CFAP184: variants seen among roughly 807,000 people sequenced by gnomAD.
The protein encoded by CFAP184 is cilia and flagella associated protein 184, also known as cilia- and flagella-associated protein 184.
At chr4:7,042,754 G>A in the CFAP184 span, 14 of 1,530,016 alleles carry the variant, frequency 9.2e-6, no homozygotes, top group South Asian at 1.7e-4. Flanking sequence ...CTCGTCCGCG[G>A]CGGTGCCTCC....
chr4:7,041,272 CAAG>C, the CFAP184 span: 1 of 1,586,664 alleles, frequency 6.3e-7, no homozygotes, highest in Non-Finnish European at 8.6e-7. Context: ...TCGATCTGGT[CAAG>C]AAGGGAGAAA....
At chr4:7,041,295 C>T in the CFAP184 span, 3 of 1,602,722 alleles carry the variant, frequency 1.9e-6, no homozygotes, top group Non-Finnish European at 2.6e-6. Flanking sequence ...AGGCTTTGGC[C>T]TCCCTGATCT....
the CFAP184 span, chr4:7,042,824 C>A: frequency 3.2e-6 from 5 of 1,569,166 alleles, no homozygotes; most frequent in Non-Finnish European, 4.3e-6. Flanking sequence ...TCCCCGGGTT[C>A]GGGAGAGGTC....
chr4:7,042,894 G>A, the CFAP184 span: 1 of 1,551,452 alleles, frequency 6.4e-7, no homozygotes, highest in South Asian at 1.2e-5. Context: ...CCCCGTCTCC[G>A]CCTTCCCCGC....
At chr4:7,042,551 C>G in the CFAP184 span, 1 of 1,575,214 alleles carries the variant, frequency 6.3e-7, no homozygotes, top group South Asian at 1.1e-5. Context: ...GCCGCCTGCT[C>G]CAGTTCCTCC....
At chr4:7,042,452 C>T in the CFAP184 span, 2 of 1,611,404 alleles carry the variant, frequency 1.2e-6, no homozygotes, top group Non-Finnish European at 8.5e-7. Flanking sequence ...TCCACCCGCT[C>T]TGTCTCGGCC....
chr4:7,042,617 G>T, the CFAP184 span: 1 of 1,510,082 alleles, frequency 6.6e-7, no homozygotes. Flanking sequence ...GGCTGGGCGG[G>T]CTCCTCAGCC....
the CFAP184 span, chr4:7,041,023 G>T: frequency 2.3e-6 from 1 of 428,316 alleles, no homozygotes; most frequent in Non-Finnish European, 4.1e-6. Context: ...AGTTTTTCAT[G>T]AGAAGTCAGT....
the CFAP184 span, chr4:7,042,562 G>C: frequency 6.4e-7 from 1 of 1,565,494 alleles, no homozygotes; most frequent in Non-Finnish European, 8.7e-7. Context: ...CAGTTCCTCC[G>C]CCCCCGCCTC....
At chr4:7,042,852 C>T in the CFAP184 span, 1 of 1,577,538 alleles carries the variant, frequency 6.3e-7, no homozygotes, top group Non-Finnish European at 8.6e-7. Flanking sequence ...CAGAGCTGGC[C>T]TTGATCTTGG....
the CFAP184 span, chr4:7,042,589 G>T: frequency 6.5e-7 from 1 of 1,540,168 alleles, no homozygotes. Context: ...TAGTTCCTCG[G>T]GCCCGGCTCC....
At chr4:7,042,173 C>A in the CFAP184 span, 23 of 1,598,206 alleles carry the variant, frequency 1.4e-5, no homozygotes, top group Non-Finnish European at 2.0e-5. Flanking sequence ...CTGCGCAGCG[C>A]CTCGAAGATC....
the CFAP184 span, chr4:7,042,024 G>A: frequency 4.3e-6 from 7 of 1,611,840 alleles, no homozygotes; most frequent in Middle Eastern, 1.6e-4. Context: ...GCTCCTGGTG[G>A]TACCACTGCA....
the CFAP184 span, chr4:7,041,624 T>C: frequency 5.6e-6 from 9 of 1,614,112 alleles, no homozygotes; most frequent in African/African-American, 1.3e-5. Flanking sequence ...ACTTGCACAC[T>C]GTTGGTCACC....
the CFAP184 span, chr4:7,042,562 GC>G: frequency 1.9e-6 from 3 of 1,565,488 alleles, no homozygotes; most frequent in East Asian, 2.3e-5. Flanking sequence ...CAGTTCCTCC[GC>G]CCCCGCCTCC....
the CFAP184 span, chr4:7,042,872 C>T: frequency 1.9e-6 from 3 of 1,569,278 alleles, no homozygotes; most frequent in Non-Finnish European, 2.6e-6. Context: ...GACGGCCGCG[C>T]GGCCAGGCTT....
At chr4:7,041,997 C>T in the CFAP184 span, 1 of 1,612,380 alleles carries the variant, frequency 6.2e-7, no homozygotes, top group South Asian at 1.1e-5. Context: ...CCTGGCACTG[C>T]CGCTTCAACT....
At chr4:7,041,885 G>T in the CFAP184 span, 1 of 1,611,198 alleles carries the variant, frequency 6.2e-7, no homozygotes. Flanking sequence ...AGAGCAGCCT[G>T]GCGCCCGCCC....
chr4:7,041,634 C>A, the CFAP184 span: 2 of 1,614,128 alleles, frequency 1.2e-6, no homozygotes, highest in African/African-American at 2.7e-5. Context: ...TGTTGGTCAC[C>A]TTGCTGCGAA....
Sources: gnomAD v4.1 joint callset for allele counts on GRCh38, gnomAD v4.1.1 for gene constraint, MANE v1.5 for transcripts, NCBI Gene and HGNC (gene_info 2026-07-23, HGNC 2026-07-21) for gene names.